The following ZBTB8B variants were observed in gnomAD, a reference collection of about 807,000 sequenced individuals.
ZBTB8B encodes zinc finger and BTB domain containing 8B.
A neutral mutation model predicts 30.3 loss-of-function variants in ZBTB8B; 17 were observed. The ratio of observed to expected loss-of-function variants is 0.56; its 90% CI spans 0.38 to 0.84. The LOEUF (loss-of-function observed/expected upper bound fraction) is 0.84, where lower values mean the gene tolerates loss of function less well. ZBTB8B is among the 40% of genes least tolerant of loss of function. The pLI is 0.00. For synonymous variants in ZBTB8B, 248 were observed against 255.6 expected (o/e 0.97, Z 0.28); for missense variants, 515 against 644.9 (o/e 0.80, Z 2.18).
Position 32,485,533 on chromosome 1 carries a change from A to G in ZBTB8B, c.*115A>G. The G allele has an allele frequency of 3.9e-6, 4 of 1,038,146 alleles. No homozygotes were observed. Among genetic ancestry groups the G allele is most frequent in the South Asian group, 1.7e-5 (1 of 59,504 alleles). The allele number at this position is 1,038,146 out of a possible 1,614,324, so 64.3% of individuals were successfully genotyped here. A position where few individuals can be genotyped will look rare whatever the true frequency, so the allele number is the denominator to read the frequency against. The stretch of plus-strand genomic sequence containing the variant: ...CTGAGAGGAACATTTTTTCACTGTT[A>G]TTATATGTGCATTTTTATTAGACTA... On this transcript the variant is annotated 3_prime_UTR_variant, in exon 4 of 4. Transcript: ENST00000609129.
intron 2 of ZBTB8B, among the ~76,000 whole-genome samples, chr1:32,480,251 C>A (rs1030056170): frequency 6.7e-6 from 1 of 148,634 alleles, no homozygotes; most frequent in South Asian, 2.1e-4. Context: ...CCTCACATAG[C>A]CTTTCCTCTG....
rs1643613809 is a variant in ZBTB8B, at chr1:32,471,028, C to T, written c.404C>T (p.Ala135Val). Residue 135 changes from alanine (A) to valine (V), a missense_variant, in exon 2 of 4, where the codon GCT (alanine) becomes GTT (valine). Coordinates refer to ENST00000609129, the MANE Select transcript of ZBTB8B (RefSeq NM_001145720.2). The part of the protein sequence containing the change: ...CRKMEKEAAV[A>V]AAVAAAAAAA... ...AAGATGGAGAAGGAGGCTGCTGTGG[C>T]TGCAGCAGTGGCGGCGGCAGCGGCG... 3 of 1,551,496 alleles carry T rather than the reference C, an allele frequency of 1.9e-6. No homozygotes were observed. The highest frequency in any genetic ancestry group is 2.0e-5 in the Admixed American group (1 of 50,974).
At chr1:32,475,816 G>GTTTTTTTTTT (rs1331933358) in intron 2 of ZBTB8B, among the ~76,000 whole-genome samples, 3 of 125,856 alleles carry the variant, frequency 2.4e-5, no homozygotes, top group Non-Finnish European at 5.1e-5. Flanking sequence ...AAGAGGGGAG[G>GTTTTTTTTTT]TTTTTTTTTT....
intron 3 of ZBTB8B, 94 bp from the exon 4 acceptor site, chr1:32,485,007 G>C (rs908617988): frequency 5.5e-5 from 68 of 1,226,368 alleles, no homozygotes; most frequent in Non-Finnish European, 7.0e-5. Context: ...AAAAGGAATC[G>C]GGAGGATCAG....
intron 2 of ZBTB8B, among the ~76,000 whole-genome samples, chr1:32,476,801 A>C (rs1643667895): frequency 6.6e-6 from 1 of 152,046 alleles, no homozygotes. Flanking sequence ...AAAAAAAAAA[A>C]AAAAATCCAA....
chr1:32,485,677 A>T lies in ZBTB8B; in HGVS notation c.*259A>T. 2 of 450,494 alleles carry T rather than the reference A, an allele frequency of 4.4e-6. No individual in the cohort carries two copies. The highest frequency in any genetic ancestry group is 8.0e-6 in the Non-Finnish European group (2 of 251,402). 27.9% of individuals were successfully genotyped at this position (450,494 alleles called of 1,614,324 possible). ...TCTGAGTGAGTCAAAGCAGGCCCTG[A>T]GGTCTCCTGTTTTTCTTGCTGTGTG... On this transcript the variant is annotated 3_prime_UTR_variant, in exon 4 of 4. Transcript: ENST00000609129.
rs917865954 is a variant in ZBTB8B at position 32,494,183 on chromosome 1, C to CAAAAAAAAAA, written c.*8780_*8789dup. On this transcript the variant is annotated 3_prime_UTR_variant, in exon 4 of 4. Coordinates refer to ENST00000609129, the MANE Select transcript of ZBTB8B (RefSeq NM_001145720.2). ...GGGCAACGAGAGCAAAACTCCATCT[C>CAAAAAAAAAA]AAAAAAAAAAAAAAAAAAAAAAAAG... 1 of 48,004 alleles carries CAAAAAAAAAA rather than the reference C, an allele frequency of 2.1e-5. No homozygotes were observed. Among genetic ancestry groups the CAAAAAAAAAA allele is most frequent in the Non-Finnish European group, 3.9e-5 (1 of 25,500 alleles). The allele number at this position is 48,004 out of a possible 1,614,324, so 3.0% of individuals were successfully genotyped here.
At chr1:32,466,448 C>T (rs111504342) in intron 1 of ZBTB8B, among the ~76,000 whole-genome samples, 142 of 152,180 alleles carry the variant, frequency 9.3e-4, no homozygotes, top group Non-Finnish European at 1.5e-3. Context: ...TGCCAGAGTG[C>T]GGATAAATGT....
At chr1:32,482,168 T>G (rs563483086) in intron 3 of ZBTB8B, among the ~76,000 whole-genome samples, 31 of 151,980 alleles carry the variant, frequency 2.0e-4, no homozygotes, top group African/African-American at 7.2e-4. Flanking sequence ...TGTTGTTGTT[T>G]TTTGTTTTTT....
intron 2 of ZBTB8B, among the ~76,000 whole-genome samples, chr1:32,480,148 A>T (rs1465122944): frequency 6.6e-6 from 1 of 152,236 alleles, no homozygotes; most frequent in African/African-American, 2.4e-5. Context: ...CTTAAACAAC[A>T]GAAATGTATC....
rs1431837157 is a variant in ZBTB8B at position 32,486,757 on chromosome 1, G to A, written c.*1339G>A. On this transcript the variant is annotated 3_prime_UTR_variant, in exon 4 of 4. Coordinates refer to ENST00000609129, the MANE Select transcript of ZBTB8B (RefSeq NM_001145720.2). ...TGGTCCATGTCCGAGTCCGGCCTTT[G>A]GAGTTGAGTCCTGCCTTCTACCTCC... 1 of 152,154 alleles carries A rather than the reference G, an allele frequency of 6.6e-6. No homozygotes were observed. 9.4% of individuals were successfully genotyped at this position (152,154 alleles called of 1,614,324 possible).
chr1:32,479,515 T>G (rs1313826440), intron 2 of ZBTB8B, among the ~76,000 whole-genome samples: 2 of 151,876 alleles, frequency 1.3e-5, no homozygotes, highest in African/African-American at 4.8e-5. Context: ...AGAGTGAGAC[T>G]CCATCTCAAA....
At chr1:32,476,864 A>AG (rs1643668313) in intron 2 of ZBTB8B, among the ~76,000 whole-genome samples, 1 of 152,020 alleles carries the variant, frequency 6.6e-6, no homozygotes, top group African/African-American at 2.4e-5. Flanking sequence ...CATGAGGGGC[A>AG]GGGACTTTGG....
rs756097018 is a variant in ZBTB8B, at chr1:32,495,871, G to T, written c.*10453G>T. 3 of 151,804 alleles carry T rather than the reference G, an allele frequency of 2.0e-5. No individual in the cohort carries two copies. Among genetic ancestry groups the T allele is most frequent in the Non-Finnish European group, 2.9e-5 (2 of 67,998 alleles). The allele number at this position is 151,804 out of a possible 1,614,324, so 9.4% of individuals were successfully genotyped here. A position where few individuals can be genotyped will look rare whatever the true frequency, so the allele number is the denominator to read the frequency against. ...CACTCCAGCGTGGGCAACAGAATGA[G>T]ACCCTGTCTCAAAAAAAAAGGTTTT... On this transcript the variant is annotated 3_prime_UTR_variant, in exon 4 of 4. Coordinates refer to ENST00000609129, the MANE Select transcript of ZBTB8B (RefSeq NM_001145720.2).
In ZBTB8B at chr1:32,490,945, G is replaced by A. The variant is rs891306473; in HGVS notation, c.*5527G>A. 1 of 152,202 alleles carries A rather than the reference G, an allele frequency of 6.6e-6. No homozygotes were observed. Among genetic ancestry groups the A allele is most frequent in the Non-Finnish European group, 1.5e-5 (1 of 68,036 alleles). The allele number at this position is 152,202 out of a possible 1,614,324, so 9.4% of individuals were successfully genotyped here. On this transcript the variant is annotated 3_prime_UTR_variant, in exon 4 of 4. Coordinates refer to ENST00000609129, the MANE Select transcript of ZBTB8B (RefSeq NM_001145720.2). The stretch of plus-strand genomic sequence containing the variant: ...AACTCACATGACTGCATGATCGGAT[G>A]ACATGGAAACTTCATAACTGAAGGA...
Position 32,471,065 on chromosome 1 carries a change from G to T in ZBTB8B, c.441G>T (p.Ala147=). The change falls in exon 2 of 4, where the codon GCG becomes GCT. Residue 147 remains alanine, a synonymous_variant. Transcript: ENST00000609129. Reference sequence around the variant, plus strand: ...CGGCGGCAGCGGCGGCGGCTGCAGCGGCGGCAGCAGCGGCGGCTCATCAGG... The same window carrying T: ...CGGCGGCAGCGGCGGCGGCTGCAGCTGCGGCAGCAGCGGCGGCTCATCAGG... ...AVAAAAAAAA[A]AAAAAAHQVD... is the part of the protein sequence containing the mutation. The T allele has an allele frequency of 6.5e-7, 1 of 1,544,866 alleles. No individual in the cohort carries two copies. The highest frequency in any genetic ancestry group is 1.2e-5 in the South Asian group (1 of 83,932).
Position 32,471,534 on chromosome 1 carries a change from T to C in ZBTB8B, c.910T>C (p.Leu304=). Residue 304 remains leucine, a synonymous_variant, in exon 2 of 4, where the codon TTG becomes CTG. Transcript: ENST00000609129. ...TGCAGACCATCACTTTTCTAGGAGT[T>C]TGGAAGGAAGACCAGAAGGTGCAGG... ...DDADHHFSRS[L]EGRPEGAGVA... is the part of the protein sequence containing the mutation. The C allele has an allele frequency of 1.3e-6, 2 of 1,551,748 alleles. No individual in the cohort carries two copies. Among genetic ancestry groups the C allele is most frequent in the East Asian group, 4.9e-5 (2 of 40,924 alleles).
rs1643644990 is a variant in ZBTB8B at position 32,474,274 on chromosome 1, A to G, written c.991+2659A>G. The stretch of plus-strand genomic sequence containing the variant: ...ATAATCCCAGCATTTTGAGAGGCCA[A>G]GGAGGGAGGATTGCTTGAGCCCAGG... On this transcript the variant is annotated intron_variant, in intron 2 of 3. Coordinates refer to ENST00000609129, the MANE Select transcript of ZBTB8B (RefSeq NM_001145720.2). 4.2e-5 allele frequency among the ~76,000 whole-genome samples: 6 copies of G among 142,876 alleles called. No homozygotes were observed. In the Admixed American group the frequency reaches 4.4e-4, roughly 10 times the overall value. 93.7% of individuals were successfully genotyped at this position (142,876 alleles called of 152,430 possible). A position where few individuals can be genotyped will look rare whatever the true frequency, so the allele number is the denominator to read the frequency against.
Position 32,471,491 on chromosome 1 carries a change from T to C in ZBTB8B, c.867T>C (p.Ala289=), listed in dbSNP as rs540587958. 4 of 1,551,826 alleles carry C rather than the reference T, an allele frequency of 2.6e-6. No individual in the cohort carries two copies. The African/African-American group carries it at 5.5e-5, about 21-fold the overall frequency. Residue 289 remains alanine, a synonymous_variant, in exon 2 of 4, where the codon GCT becomes GCC. Coordinates refer to ENST00000609129, the MANE Select transcript of ZBTB8B (RefSeq NM_001145720.2). ...TGGAGGCGCTCTTGCGCAACAGCGC[T>C]GCCCCGAGCAAGGATGATGCAGACC... ...QFLEALLRNS[A]APSKDDADHH...
Sources: allele counts gnomAD v4.1 joint callset (sites outside exome capture counted in the v4.1 genomes callset), GRCh38; gene constraint gnomAD v4.1.1; transcripts MANE v1.5; gene names NCBI Gene and HGNC (gene_info 2026-07-23, HGNC 2026-07-21).